DIPK1A: variants seen among roughly 807,000 people sequenced by gnomAD.
The protein encoded by DIPK1A is divergent protein kinase domain 1A, also known as family with sequence similarity 69 member A.
A neutral mutation model predicts 40.8 loss-of-function variants in DIPK1A; 27 were observed. That is an observed-to-expected ratio of 0.66 (90% CI 0.49 to 0.91). The LOEUF (loss-of-function observed/expected upper bound fraction) is 0.91. Ranked by LOEUF, DIPK1A falls within the 40% of genes least tolerant of loss-of-function variation. The pLI is 0.00. For synonymous variants in DIPK1A, 166 were observed against 171.3 expected, an observed-to-expected ratio of 0.97 and a Z score of 0.24; for missense variants, 412 against 505.7, an observed-to-expected ratio of 0.81 and a Z score of 1.78.
intron 1 of DIPK1A, among the ~76,000 whole-genome samples, chr1:92,939,893 C>T (rs923909853): frequency 6.6e-6 from 1 of 151,498 alleles, no homozygotes; most frequent in Non-Finnish European, 1.5e-5. Flanking sequence ...AAGAGGTTGC[C>T]GTGAGTTGAG....
chr1:92,872,803 C>T (rs1647935868), intron 2 of DIPK1A, among the ~76,000 whole-genome samples: 1 of 152,218 alleles, frequency 6.6e-6, no homozygotes, highest in South Asian at 2.1e-4. Flanking sequence ...ATTGGGGCTT[C>T]TCCTTCTGGC....
chr1:92,953,565 T>C (rs1259124038), intron 1 of DIPK1A, among the ~76,000 whole-genome samples: 4 of 152,248 alleles, frequency 2.6e-5, no homozygotes, highest in Non-Finnish European at 5.9e-5. Flanking sequence ...AATGGAATAC[T>C]ATTCACCTTT....
chr1:92,852,690 A>G (rs1687859952), intron 2 of DIPK1A, among the ~76,000 whole-genome samples: 1 of 152,158 alleles, frequency 6.6e-6, no homozygotes, highest in Non-Finnish European at 1.5e-5. Context: ...ACATCTAGAA[A>G]TAAAAGCCAC....
intron 2 of DIPK1A, among the ~76,000 whole-genome samples, chr1:92,860,762 C>T (rs560665184): frequency 1.2e-4 from 18 of 150,368 alleles, no homozygotes; most frequent in Middle Eastern, 3.4e-3. Flanking sequence ...CCAGCGTGGG[C>T]GACAGAGCAA....
At chr1:92,943,816 C>T (rs1651263636) in intron 1 of DIPK1A, among the ~76,000 whole-genome samples, 1 of 152,186 alleles carries the variant, frequency 6.6e-6, no homozygotes, top group South Asian at 2.1e-4. Flanking sequence ...AGGAAAGCCA[C>T]ACCAGTTACC....
At chr1:92,863,669 T>C (rs1366674257) in intron 2 of DIPK1A, among the ~76,000 whole-genome samples, 1 of 151,622 alleles carries the variant, frequency 6.6e-6, no homozygotes, top group Non-Finnish European at 1.5e-5. Context: ...ATCTGTTTAA[T>C]AGATTTTTTA....
chr1:92,835,270 A>G (rs1363881780), intron 4 of DIPK1A: 1 of 360,890 alleles, frequency 2.8e-6, no homozygotes, highest in Non-Finnish European at 5.3e-6. Context: ...GCAAACATTA[A>G]AAATGCAGAC....
At chr1:92,865,273 G>T (rs1343374215) in intron 2 of DIPK1A, among the ~76,000 whole-genome samples, 2 of 151,898 alleles carry the variant, frequency 1.3e-5, no homozygotes, top group Non-Finnish European at 2.9e-5. Flanking sequence ...TGAGGTGGGA[G>T]GATCCCTGGA....
chr1:92,886,158 C>A (rs1197766922), intron 1 of DIPK1A, among the ~76,000 whole-genome samples: 2 of 151,932 alleles, frequency 1.3e-5, no homozygotes, highest in East Asian at 1.9e-4. Context: ...CACAGTGAGA[C>A]CCTGTCTCTA....
intron 2 of DIPK1A, among the ~76,000 whole-genome samples, chr1:92,873,614 C>CA (rs201704736): frequency 0.028 from 2,192 of 78,032 alleles, 19 homozygotes; most frequent in Middle Eastern, 0.038. Flanking sequence ...AACTCTGTCT[C>CA]AAAAAAAAAA....
chr1:92,947,033 G>A lies in DIPK1A; in HGVS notation c.54+14343C>T, dbSNP rs559915309. Among the ~76,000 whole-genome samples the A allele has an allele frequency of 9.9e-5, 15 of 151,618 alleles. No individual in the cohort carries two copies. The South Asian group carries it at 1.7e-3, about 17-fold the overall frequency. ...TTTTTTGATAATGCAATCCTTTCAG[G>A]AAAATAGTAATAAGCACAAATCCCT... On this transcript the variant is annotated intron_variant, in intron 1 of 4. Transcript: ENST00000370310.
intron 2 of DIPK1A, among the ~76,000 whole-genome samples, chr1:92,852,988 G>T (rs1687871252): frequency 1.3e-5 from 2 of 152,166 alleles, no homozygotes; most frequent in African/African-American, 4.8e-5. Context: ...GTTGCAGTGA[G>T]CCAAGATCAC....
chr1:92,913,874 G>A (rs1649939823), intron 1 of DIPK1A, among the ~76,000 whole-genome samples: 1 of 152,022 alleles, frequency 6.6e-6, no homozygotes, highest in Admixed American at 6.6e-5. Flanking sequence ...TCTGGAAAAA[G>A]GTAAGCTAAT....
chr1:92,855,546 T>C (rs1021295707), intron 2 of DIPK1A, among the ~76,000 whole-genome samples: 5 of 151,580 alleles, frequency 3.3e-5, no homozygotes, highest in African/African-American at 1.2e-4. Context: ...AAATTTTTTT[T>C]TTTTTAAATT....
At position 92,893,765 on chromosome 1, in the gene DIPK1A, G is replaced by A. The variant is rs570682616; in HGVS notation, c.55-17335C>T. On this transcript the variant is annotated intron_variant, in intron 1 of 4. Transcript: ENST00000370310. ...GCTGTATTCAGGAAACCCATCTCACGTGCAGAGACACACATAGGCTCAAAA... is the reference window on the plus strand; with the variant it reads ...GCTGTATTCAGGAAACCCATCTCACATGCAGAGACACACATAGGCTCAAAA... Among the ~76,000 whole-genome samples the A allele has an allele frequency of 8.5e-3, 1,295 of 151,920 alleles. 14 individuals carry two copies. Among genetic ancestry groups the A allele is most frequent in the African/African-American group, 0.024 (985 of 41,266 alleles).
chr1:92,891,228 G>C (rs569470351), intron 1 of DIPK1A, among the ~76,000 whole-genome samples: 9 of 151,324 alleles, frequency 5.9e-5, no homozygotes, highest in African/African-American at 2.2e-4. Context: ...GGTTAGTCCA[G>C]CTAATGGTTT....
chr1:92,841,959 T>TA, downstream of DIPK1A: 1 of 1,058,496 alleles, frequency 9.4e-7, no homozygotes, highest in Non-Finnish European at 1.4e-6. Flanking sequence ...ATGAACCTTA[T>TA]AGGAAATACC....
At chr1:92,912,917 A>G (rs1337021908) in intron 1 of DIPK1A, among the ~76,000 whole-genome samples, 1 of 151,884 alleles carries the variant, frequency 6.6e-6, no homozygotes, top group Non-Finnish European at 1.5e-5. Context: ...CCTGTGCAAC[A>G]CAGCAAGACC....
At chr1:92,839,086 A>G (rs568348741), downstream of DIPK1A, among the ~76,000 whole-genome samples, 6 of 141,884 alleles carry the variant, frequency 4.2e-5, no homozygotes, top group African/African-American at 1.6e-4. Context: ...CTGGCGGGGC[A>G]TGGTGGCTCA....
Sources: gnomAD v4.1 joint callset for allele counts (sites outside exome capture counted in the v4.1 genomes callset) on GRCh38, gnomAD v4.1.1 for gene constraint, MANE v1.5 for transcripts, NCBI Gene and HGNC (gene_info 2026-07-23, HGNC 2026-07-21) for gene names.